The following RXRA variants were observed in gnomAD, a reference collection of about 807,000 sequenced individuals.
RXRA encodes the protein retinoic acid receptor RXR-alpha.
Under a neutral mutation model 44.5 loss-of-function variants are expected in RXRA, and 5 were observed. The observed-to-expected ratio is 0.11, with a 90% CI of 0.06 to 0.24. RXRA has a LOEUF of 0.24. Ranked by LOEUF, RXRA falls within the 10% of genes least tolerant of loss-of-function variation. RXRA has a pLI of 1.00. For missense variants in RXRA, 412 were observed against 646.5 expected, an observed-to-expected ratio of 0.64 and a Z score of 3.93; for synonymous variants, 291 against 271.4, an observed-to-expected ratio of 1.07 and a Z score of -0.71.
intron 1 of RXRA, among the ~76,000 whole-genome samples, chr9:134,380,594 A>G (rs900624031): frequency 6.6e-6 from 1 of 151,084 alleles, no homozygotes; most frequent in African/African-American, 2.4e-5. Context: ...AGGGTTGGTG[A>G]CCTAGTGCCA....
rs2119177361 is a variant in RXRA at position 134,417,052 on chromosome 9, T to A, written c.611-106T>A. 6 of 1,211,416 alleles carry A rather than the reference T, an allele frequency of 5.0e-6. No homozygotes were observed. In the East Asian group the frequency reaches 1.5e-4, roughly 31 times the overall value. The allele number at this position is 1,211,416 out of a possible 1,614,324, so 75.0% of individuals were successfully genotyped here. A position where few individuals can be genotyped will look rare whatever the true frequency, so the allele number is the denominator to read the frequency against. ...CCAGTGCTGGTGGGGATGCTGGTGT[T>A]GTGGGTGAGTTGGCTGGGAGCTGGC... On this transcript the variant is annotated intron_variant, in intron 4 of 9. Coordinates refer to ENST00000481739, the MANE Select transcript of RXRA (RefSeq NM_002957.6). This position sits in a 1 kb window ranked among gnomAD's most constrained non-coding sequence, Gnocchi z 6.1.
intron 1 of RXRA, among the ~76,000 whole-genome samples, chr9:134,384,076 C>G (rs1830683894): frequency 6.6e-6 from 1 of 152,162 alleles, no homozygotes; most frequent in African/African-American, 2.4e-5. Context: ...CACACTGTCA[C>G]TCAGGTGGGG....
intron 1 of RXRA, among the ~76,000 whole-genome samples, chr9:134,339,586 T>G (rs1025476856): frequency 3.1e-4 from 47 of 150,484 alleles, no homozygotes; most frequent in African/African-American, 9.6e-4. Flanking sequence ...TGAGCCTGTG[T>G]GTGTGAGCCT....
chr9:134,383,180 C>T (rs1830671169), intron 1 of RXRA, among the ~76,000 whole-genome samples: 1 of 152,228 alleles, frequency 6.6e-6, no homozygotes. Context: ...GCCGAGAGCC[C>T]AGGCCGCTTC....
At chr9:134,431,662 T>C (rs550415995) in intron 7 of RXRA, among the ~76,000 whole-genome samples, 4 of 152,250 alleles carry the variant, frequency 2.6e-5, no homozygotes, top group African/African-American at 9.6e-5. Flanking sequence ...AGGCAGACCC[T>C]AGAGGGAGAG....
intron 1 of RXRA, among the ~76,000 whole-genome samples, chr9:134,361,182 A>G (rs977188925): frequency 2.0e-5 from 3 of 152,302 alleles, no homozygotes; most frequent in East Asian, 1.9e-4. Context: ...TCCCTCAGCT[A>G]ACTGATTCTG....
At chr9:134,411,175 C>T (rs966782177) in intron 4 of RXRA, among the ~76,000 whole-genome samples, 6 of 152,176 alleles carry the variant, frequency 3.9e-5, no homozygotes, top group African/African-American at 1.2e-4. Context: ...AGCCCCGTCC[C>T]GGACCCTCCA....
intron 1 of RXRA, among the ~76,000 whole-genome samples, chr9:134,344,479 C>G (rs1316532224): frequency 1.3e-5 from 2 of 152,172 alleles, no homozygotes; most frequent in African/African-American, 2.4e-5. Flanking sequence ...ACCCTGGGCA[C>G]CCGCCCAAGG....
At chr9:134,388,914 G>C (rs1235812135) in intron 1 of RXRA, among the ~76,000 whole-genome samples, 3 of 152,180 alleles carry the variant, frequency 2.0e-5, no homozygotes, top group African/African-American at 7.2e-5. Context: ...TTGACGGACT[G>C]GGTGTGGGTC....
intron 9 of RXRA, 40 bp downstream of exon 9, chr9:134,434,247 C>G (rs764775603): frequency 1.4e-6 from 2 of 1,473,274 alleles, no homozygotes; most frequent in Admixed American, 1.7e-5. Flanking sequence ...CAGACCCAGG[C>G]TCTTGTCTCC....
intron 1 of RXRA, among the ~76,000 whole-genome samples, chr9:134,399,517 G>C (rs1185355694): frequency 6.6e-6 from 1 of 152,140 alleles, no homozygotes; most frequent in Non-Finnish European, 1.5e-5. Context: ...CTGGCCTTCT[G>C]CACCTGGGGA....
chr9:134,348,493 T>A (rs896524549), intron 1 of RXRA, among the ~76,000 whole-genome samples: 1 of 147,192 alleles, frequency 6.8e-6, no homozygotes, highest in African/African-American at 2.6e-5. Flanking sequence ...CCCATGTGGC[T>A]GCTTGTCCCC....
At position 134,350,696 on chromosome 9, in the gene RXRA, C is replaced by T. The variant is rs563203247; in HGVS notation, c.28+24037C>T. ...TCCCCACGGAGAAGCCAGCCTCCCC[C>T]GCAGGAGCAGCTCCATCTGGGGCAT... On this transcript the variant is annotated intron_variant, in intron 1 of 9. Transcript: ENST00000481739. 5.9e-5 allele frequency among the ~76,000 whole-genome samples: 9 copies of T among 152,354 alleles called. No individual in the cohort carries two copies. In the East Asian group the frequency reaches 7.7e-4, roughly 13 times the overall value.
At position 134,426,358 on chromosome 9, in the gene RXRA, T is replaced by A. The variant is rs1291458611; in HGVS notation, c.911-2750T>A. 1.0e-6 allele frequency: 1 copy of A among 985,292 alleles called. No individual in the cohort carries two copies. Among genetic ancestry groups the A allele is most frequent in the African/African-American group, 1.7e-5 (1 of 57,230 alleles). 61.0% of individuals were successfully genotyped at this position (985,292 alleles called of 1,614,324 possible). A position where few individuals can be genotyped will look rare whatever the true frequency, so the allele number is the denominator to read the frequency against. On this transcript the variant is annotated intron_variant, in intron 6 of 9. Transcript: ENST00000481739. This position sits in a 1 kb window ranked among gnomAD's most constrained non-coding sequence, Gnocchi z 4.6. ...ACCCCAAAGGTTACTGTAAAGTGGG[T>A]TCCTCTCCTATTTTTCTCTTACATC...
At chr9:134,379,846 A>G (rs2119098841) in intron 1 of RXRA, 1 of 985,196 alleles carries the variant, frequency 1.0e-6, no homozygotes, top group Non-Finnish European at 1.2e-6. Flanking sequence ...TGGGAGGGGC[A>G]GTGGCCCTGG....
At chr9:134,408,646 C>T (rs1476885475) in intron 3 of RXRA, among the ~76,000 whole-genome samples, 1 of 152,252 alleles carries the variant, frequency 6.6e-6, no homozygotes, top group Non-Finnish European at 1.5e-5. Context: ...CACTGACCCC[C>T]AACGGCCTGA....
chr9:134,430,969 C>T (rs527672016), intron 7 of RXRA, among the ~76,000 whole-genome samples: 11 of 152,342 alleles, frequency 7.2e-5, no homozygotes, highest in East Asian at 1.9e-4. Context: ...GAGCAGACAT[C>T]GGGGGTCCCT....
intron 1 of RXRA, among the ~76,000 whole-genome samples, chr9:134,358,380 G>A (rs1263033046): frequency 2.0e-5 from 3 of 152,260 alleles, no homozygotes. Context: ...GTAGGGTGGA[G>A]CTGGAGGGAG....
chr9:134,409,308 A>G (rs1478920266), intron 4 of RXRA, among the ~76,000 whole-genome samples, 189 bp downstream of exon 4: 3 of 152,172 alleles, frequency 2.0e-5, no homozygotes, highest in South Asian at 4.1e-4. Context: ...GTGGGCACAC[A>G]TGGGTCCTGG....
Sources: gnomAD v4.1 joint callset for allele counts (sites outside exome capture counted in the v4.1 genomes callset) on GRCh38, gnomAD v4.1.1 for gene constraint, Gnocchi (gnomAD v3.1) non-coding constraint, MANE v1.5 for transcripts, NCBI Gene and HGNC (gene_info 2026-07-23, HGNC 2026-07-21) for gene names.